Variants in SCAPER observed in about 807,000 individuals in gnomAD.
The protein encoded by SCAPER is S-phase cyclin A associated protein in the ER, also known as S phase cyclin A-associated protein in the endoplasmic reticulum.
Under a neutral mutation model 182.2 loss-of-function variants are expected in SCAPER, and 98 were observed. That is an observed-to-expected ratio of 0.54 (90% CI 0.46 to 0.64). SCAPER has a LOEUF of 0.64. Among genes scored for constraint, SCAPER ranks in the 30% least tolerant of loss-of-function variants. SCAPER has a pLI of 0.00. For synonymous variants in SCAPER, 605 were observed against 564.6 expected (o/e 1.07, Z -1.01); for missense variants, 1,432 against 1,690.0 (o/e 0.85, Z 2.68).
chr15:76,376,250 C>G lies in SCAPER; in HGVS notation c.3767G>C (p.Gly1256Ala), dbSNP rs762610169. ...AFRHMASSLLGHCSQVSCESL... is the reference protein window; with the variant it reads ...AFRHMASSLLAHCSQVSCESL... ...TTCACAGGAGACTTGGCTGCAGTGG[C>G]CCAGCAGGGAGCTGGCCATGTGCCG... is the stretch of plus-strand genomic sequence containing the variant. The change falls in exon 29 of 32, where the codon GGC becomes GCC. Residue 1256 changes from glycine to alanine, a missense_variant. By Grantham distance (60) the Gly-to-Ala change is moderately conservative. Around this residue, in one of 5 missense-constraint regions of SCAPER, gnomAD observed 718 missense variants for 799.7 expected, o/e 0.90. Coordinates refer to ENST00000563290, the MANE Select transcript of SCAPER (RefSeq NM_020843.4). 2 of 1,613,962 alleles carry G rather than the reference C, an allele frequency of 1.2e-6. No individual in the cohort carries two copies. Among genetic ancestry groups the G allele is most frequent in the Non-Finnish European group, 1.7e-6 (2 of 1,179,870 alleles).
chr15:76,611,864 G>T lies in SCAPER; in HGVS notation c.2711+9900C>A, dbSNP rs116376094. Among the ~76,000 whole-genome samples, 1,248 of 152,250 alleles carry T rather than the reference G, an allele frequency of 8.2e-3. 14 individuals are homozygous for T. Among genetic ancestry groups the T allele is most frequent in the African/African-American group, 0.029 (1,184 of 41,532 alleles). On this transcript the variant is annotated intron_variant, in intron 22 of 31. Transcript: ENST00000563290. ...AAACCACATGATTATCTCAATAGGT[G>T]CAGAAATGGCTTTTGATAAAATTTA... is the stretch of plus-strand genomic sequence containing the variant.
chr15:76,801,209 T>C (rs956223101), intron 6 of SCAPER, among the ~76,000 whole-genome samples: 1 of 152,226 alleles, frequency 6.6e-6, no homozygotes, highest in Non-Finnish European at 1.5e-5. Context: ...CCACTGGGAT[T>C]TGCACCATTT....
chr15:76,772,907 C>T (rs558664100), intron 9 of SCAPER, among the ~76,000 whole-genome samples: 67 of 151,904 alleles, frequency 4.4e-4, no homozygotes, highest in Non-Finnish European at 5.9e-4. Context: ...CCATAAACCT[C>T]CCCCCAGTTT....
At chr15:76,369,637 C>T (rs1285707349) in intron 29 of SCAPER, among the ~76,000 whole-genome samples, 2 of 152,200 alleles carry the variant, frequency 1.3e-5, no homozygotes, top group African/African-American at 4.8e-5. Flanking sequence ...ACTTACCACA[C>T]CCTCTTAGCA....
intron 14 of SCAPER, among the ~76,000 whole-genome samples, chr15:76,763,961 T>C (rs917174077): frequency 3.9e-5 from 6 of 152,226 alleles, no homozygotes; most frequent in Non-Finnish European, 8.8e-5. Context: ...TCTTCATTTG[T>C]TTGGGTTGCT....
intron 24 of SCAPER, among the ~76,000 whole-genome samples, chr15:76,488,287 C>A (rs1484110822): frequency 6.6e-6 from 1 of 151,984 alleles, no homozygotes; most frequent in African/African-American, 2.4e-5. Context: ...TGCTCAAGGG[C>A]ACAGAGGATG....
At chr15:76,892,935 C>T (rs756690571) in intron 1 of SCAPER, among the ~76,000 whole-genome samples, 8 of 150,910 alleles carry the variant, frequency 5.3e-5, no homozygotes, top group African/African-American at 9.7e-5. Context: ...TGTCCATCAA[C>T]GATAGACTGG....
intron 23 of SCAPER, among the ~76,000 whole-genome samples, chr15:76,552,828 C>A: frequency 6.6e-6 from 1 of 152,112 alleles, no homozygotes; most frequent in East Asian, 1.9e-4. Context: ...GCAGGGCAGA[C>A]TTGCCCATGG....
intron 25 of SCAPER, among the ~76,000 whole-genome samples, chr15:76,469,734 G>A (rs2049984464): frequency 6.6e-6 from 1 of 152,064 alleles, no homozygotes; most frequent in African/African-American, 2.4e-5. Flanking sequence ...ACCTCTCTGG[G>A]ACTCAAGTTT....
intron 17 of SCAPER, among the ~76,000 whole-genome samples, chr15:76,715,030 C>T (rs1245697566): frequency 6.6e-6 from 1 of 152,124 alleles, no homozygotes; most frequent in African/African-American, 2.4e-5. Flanking sequence ...CTGCTATACC[C>T]TACCACAAAC....
At chr15:76,353,822 C>A in intron 30 of SCAPER, 127 bp downstream of exon 30, 2 of 738,406 alleles carry the variant, frequency 2.7e-6, no homozygotes, top group Non-Finnish European at 4.0e-6. Context: ...AATTTTGGAG[C>A]ACATAAATAT....
intron 4 of SCAPER, among the ~76,000 whole-genome samples, chr15:76,854,803 C>CAAAAAAAA (rs35484908): frequency 8.4e-6 from 1 of 118,376 alleles, no homozygotes. Flanking sequence ...ACTAAAAATA[C>CAAAAAAAA]AAAAAAAAAA....
intron 15 of SCAPER, among the ~76,000 whole-genome samples, chr15:76,741,333 C>T (rs548582042): frequency 1.3e-5 from 2 of 152,000 alleles, no homozygotes; most frequent in South Asian, 4.2e-4. Flanking sequence ...AAAAATGAAT[C>T]ACTTTTAAAA....
intron 23 of SCAPER, among the ~76,000 whole-genome samples, chr15:76,516,484 T>G (rs1425796371): frequency 6.6e-6 from 1 of 151,972 alleles, no homozygotes; most frequent in African/African-American, 2.4e-5. Flanking sequence ...TGTTATTGTG[T>G]TACTTTGCTG....
chr15:76,588,075 CCAT>C (rs1370119589), intron 22 of SCAPER, among the ~76,000 whole-genome samples: 1 of 152,124 alleles, frequency 6.6e-6, no homozygotes, highest in African/African-American at 2.4e-5. Context: ...GCGCCCACCA[CCAT>C]GCCTGGCTAA....
At chr15:76,641,045 T>A (rs1381556433) in intron 21 of SCAPER, among the ~76,000 whole-genome samples, 3 of 152,164 alleles carry the variant, frequency 2.0e-5, no homozygotes, top group Non-Finnish European at 2.9e-5. Flanking sequence ...AACACCCTCA[T>A]CTTGCCATGG....
intron 26 of SCAPER, among the ~76,000 whole-genome samples, chr15:76,428,616 G>A (rs945167666): frequency 1.3e-5 from 2 of 151,834 alleles, no homozygotes; most frequent in South Asian, 2.1e-4. Flanking sequence ...GTACACCAGC[G>A]GTTACCAGAG....
At chr15:76,409,954 ATTTTTTT>A (rs534239321) in intron 26 of SCAPER, among the ~76,000 whole-genome samples, 2 of 137,076 alleles carry the variant, frequency 1.5e-5, no homozygotes, top group East Asian at 2.1e-4. Context: ...GGCCTGGCTA[ATTTTTTT>A]TTTTTTTTTT....
rs78720808 is a variant in SCAPER at position 76,487,749 on chromosome 15, C to T, written c.2955-16414G>A. 5.9e-4 allele frequency among the ~76,000 whole-genome samples: 90 copies of T among 152,224 alleles called. 1 individual carries two copies. The East Asian group carries it at 0.014, about 23-fold the overall frequency. ...ATATTTGATAGGTTTTAATCTCCTG[C>T]AATTCTTATTCATATCAGAGATCAG... On this transcript the variant is annotated intron_variant, in intron 24 of 31. Coordinates refer to ENST00000563290, the MANE Select transcript of SCAPER (RefSeq NM_020843.4).
Sources: gnomAD v4.1 joint callset for allele counts (sites outside exome capture counted in the v4.1 genomes callset) on GRCh38, gnomAD v4.1.1 for gene constraint, gnomAD v4.1.1 regional missense constraint, MANE v1.5 for transcripts, NCBI Gene and HGNC (gene_info 2026-07-23, HGNC 2026-07-21) for gene names.